SRFBP1: variants seen among roughly 807,000 people sequenced by gnomAD.
The protein encoded by SRFBP1 is serum response factor binding protein 1, also known as serum response factor-binding protein 1.
Under a neutral mutation model 45.5 loss-of-function variants are expected in SRFBP1, and 47 were observed. The ratio of observed to expected loss-of-function variants is 1.03; its 90% CI spans 0.82 to 1.32. The LOEUF (loss-of-function observed/expected upper bound fraction) is 1.32, where lower values mean the gene tolerates loss of function less well. SRFBP1 is among the 40% of genes most tolerant of loss of function. The pLI is 0.00. For synonymous variants in SRFBP1, 203 were observed against 166.3 expected (o/e 1.22, Z -1.70); for missense variants, 621 against 484.6 (o/e 1.28, Z -2.64).
intron 1 of SRFBP1, among the ~76,000 whole-genome samples, 197 bp downstream of exon 1, chr5:121,962,265 T>G (rs1260093593): frequency 6.6e-6 from 1 of 152,196 alleles, no homozygotes; most frequent in African/African-American, 2.4e-5. Context: ...GTGAGAGACA[T>G]GTGTCAGGCC....
chr5:121,983,299 A>G (rs958623895), intron 3 of SRFBP1, among the ~76,000 whole-genome samples: 5 of 151,778 alleles, frequency 3.3e-5, no homozygotes, highest in Non-Finnish European at 7.4e-5. Flanking sequence ...TATTTCTTAG[A>G]ATACAGAAGT....
At chr5:121,987,233 AC>A (rs371650539) in intron 3 of SRFBP1, among the ~76,000 whole-genome samples, 271 of 152,254 alleles carry the variant, frequency 1.8e-3, no homozygotes, top group African/African-American at 6.3e-3. Context: ...TAGGAGCATA[AC>A]AGAAGCATAG....
intron 4 of SRFBP1, among the ~76,000 whole-genome samples, chr5:122,016,394 T>C (rs1753194368): frequency 6.6e-6 from 1 of 152,222 alleles, no homozygotes; most frequent in Non-Finnish European, 1.5e-5. Context: ...TTGGAAATTC[T>C]TTTCCTTCAT....
intron 3 of SRFBP1, among the ~76,000 whole-genome samples, chr5:121,977,905 T>C (rs1752336197): frequency 6.6e-6 from 1 of 152,174 alleles, no homozygotes; most frequent in Admixed American, 6.5e-5. Flanking sequence ...GAAACCCAAG[T>C]CTTTGCTGCC....
intron 3 of SRFBP1, among the ~76,000 whole-genome samples, chr5:121,981,237 A>G (rs542048115): frequency 1.3e-5 from 2 of 152,212 alleles, no homozygotes; most frequent in Non-Finnish European, 2.9e-5. Context: ...AAGAAGAATA[A>G]GTAAAAGAGA....
chr5:122,018,537 G>T (rs553612519), intron 4 of SRFBP1, among the ~76,000 whole-genome samples: 2 of 152,172 alleles, frequency 1.3e-5, no homozygotes, highest in Non-Finnish European at 2.9e-5. Context: ...AGGAGAAGCA[G>T]ATTTGTGAGG....
At chr5:121,993,301 G>A (rs191213355) in intron 3 of SRFBP1, among the ~76,000 whole-genome samples, 1 of 152,160 alleles carries the variant, frequency 6.6e-6, no homozygotes, top group Admixed American at 6.6e-5. Context: ...TGCTGAAAGG[G>A]TTATAATAAC....
intron 2 of SRFBP1, among the ~76,000 whole-genome samples, chr5:122,068,676 A>C (rs1754368758): frequency 6.6e-6 from 1 of 152,180 alleles, no homozygotes; most frequent in Non-Finnish European, 1.5e-5. Context: ...GACATTAAAC[A>C]AAGAAATTCA....
rs889067417 is a variant in SRFBP1 at position 122,022,385 on chromosome 5, G to C, written c.1083G>C (p.Gln361His). 6.2e-7 allele frequency: 1 copy of C among 1,611,284 alleles called. No homozygotes were observed. Among genetic ancestry groups the C allele is most frequent in the Non-Finnish European group, 8.5e-7 (1 of 1,178,892 alleles). ...CTTCTTTTAGAAATTTCAAAGAACA[G>C]GCTCCAAAAACAAGATCCCTAGGTA... is the stretch of plus-strand genomic sequence containing the variant. ...SKSSRRNFKE[Q>H]APKTRSLDFP... Residue 361 changes from glutamine (Q) to histidine (H), a missense_variant, in exon 7 of 8, where the codon CAG becomes CAC. Physicochemically the swap from Gln to His is conservative, Grantham distance 24. Transcript: ENST00000339397.
chr5:122,077,621 C>A, downstream of SRFBP1: 1 of 1,611,786 alleles, frequency 6.2e-7, no homozygotes. The surrounding 1 kb of genome is among the most constrained non-coding windows in gnomAD (Gnocchi z 4.9). Context: ...GAACCAGTGA[C>A]GGGCGGTGGG....
At position 122,027,689 on chromosome 5, in the gene SRFBP1, A is replaced by T. The variant is rs1490078515; in HGVS notation, c.*563A>T. 1 of 152,146 alleles carries T rather than the reference A, an allele frequency of 6.6e-6. No individual in the cohort carries two copies. Among genetic ancestry groups the T allele is most frequent in the Admixed American group, 6.5e-5 (1 of 15,280 alleles). The allele number at this position is 152,146 out of a possible 1,614,324, so 9.4% of individuals were successfully genotyped here. A position where few individuals can be genotyped will look rare whatever the true frequency, so the allele number is the denominator to read the frequency against. On this transcript the variant is annotated 3_prime_UTR_variant, in exon 8 of 8. Transcript: ENST00000339397. Reference sequence around the variant, plus strand: ...TTAAACCAGATCACCCTTGTTAAAAATCATTCTTGTTAGCAAACTAAAATA... The same window carrying T: ...TTAAACCAGATCACCCTTGTTAAAATTCATTCTTGTTAGCAAACTAAAATA...
downstream of SRFBP1, among the ~76,000 whole-genome samples, chr5:122,030,524 G>A (rs1444835292): frequency 6.6e-6 from 1 of 151,506 alleles, no homozygotes; most frequent in East Asian, 1.9e-4. Context: ...TGCTATATTT[G>A]TTTCATCTGA....
chr5:121,974,888 AAT>A (rs1306272547), intron 2 of SRFBP1, among the ~76,000 whole-genome samples: 2 of 151,890 alleles, frequency 1.3e-5, no homozygotes, highest in East Asian at 3.9e-4. Context: ...TTCTTTCATA[AAT>A]ATGTCAGAAT....
At chr5:122,005,391 A>C (rs1247516172) in intron 4 of SRFBP1, among the ~76,000 whole-genome samples, 2 of 152,124 alleles carry the variant, frequency 1.3e-5, no homozygotes, top group African/African-American at 4.8e-5. Context: ...CTTTATCTAT[A>C]TAGTGACTCT....
intron 5 of SRFBP1, 66 bp from the exon 6 acceptor site, chr5:122,020,022 G>A (rs1753270147): frequency 3.6e-6 from 4 of 1,122,312 alleles, no homozygotes; most frequent in South Asian, 3.4e-5. Context: ...TTAAAATACT[G>A]TCCTAAAACA....
chr5:121,964,541 G>C (rs1330133100), intron 1 of SRFBP1, among the ~76,000 whole-genome samples: 2 of 152,096 alleles, frequency 1.3e-5, no homozygotes, highest in Non-Finnish European at 2.9e-5. Context: ...TTTTATGGCT[G>C]CATAGTATTC....
At chr5:122,019,954 G>A (rs182206680) in intron 5 of SRFBP1, 134 bp from the exon 6 acceptor site, 9 of 520,290 alleles carry the variant, frequency 1.7e-5, no homozygotes, top group East Asian at 6.5e-5. Flanking sequence ...AATTCAGACC[G>A]AGTATATGTA....
At chr5:122,022,552 A>G (rs1276422808) in intron 7 of SRFBP1, 145 bp downstream of exon 7, 15 of 627,982 alleles carry the variant, frequency 2.4e-5, no homozygotes, top group Admixed American at 1.2e-4. Context: ...ACAATTATCA[A>G]TATAATTTTT....
At chr5:121,994,524 G>T in intron 3 of SRFBP1, 75 bp from the exon 4 acceptor site, 4 of 899,626 alleles carry the variant, frequency 4.4e-6, no homozygotes, top group South Asian at 1.6e-5. Flanking sequence ...AGTTTCTTAA[G>T]ATACGGAAAG....
Sources: gnomAD v4.1 joint callset for allele counts (sites outside exome capture counted in the v4.1 genomes callset) on GRCh38, gnomAD v4.1.1 for gene constraint, Gnocchi (gnomAD v3.1) non-coding constraint, MANE v1.5 for transcripts, NCBI Gene and HGNC (gene_info 2026-07-23, HGNC 2026-07-21) for gene names.